Variants in UBR3 observed in about 807,000 individuals in gnomAD.
The protein encoded by UBR3 is ubiquitin protein ligase E3 component n-recognin 3.
Under a neutral mutation model 243.2 loss-of-function variants are expected in UBR3, and 85 were observed. The ratio of observed to expected loss-of-function variants is 0.35; its 90% confidence interval spans 0.29 to 0.42. The LOEUF is 0.42. UBR3 is among the 10% of genes least tolerant of loss of function. UBR3 has a pLI of 1.00. For missense variants in UBR3, 1,686 were observed against 2,300.8 expected (o/e 0.73, Z 5.47); for synonymous variants, 748 against 799.8 (o/e 0.94, Z 1.09).
chr2:170,015,012 A>G (rs2090193305), intron 29 of UBR3: 2 of 259,308 alleles, frequency 7.7e-6, no homozygotes, highest in South Asian at 2.7e-4. Context: ...AGTATGTGCC[A>G]AGAGTTGGGA....
At chr2:170,055,997 T>C (rs987998313) in intron 33 of UBR3, among the ~76,000 whole-genome samples, 2 of 127,746 alleles carry the variant, frequency 1.6e-5, no homozygotes, top group Non-Finnish European at 3.3e-5. Flanking sequence ...TCCTAGTCTT[T>C]TCTTTCTTTT....
At chr2:170,016,924 G>A (rs879577047) in intron 30 of UBR3, 9 of 721,050 alleles carry the variant, frequency 1.2e-5, no homozygotes, top group Middle Eastern at 4.2e-4. Context: ...CTAAATGTAA[G>A]TTAATATTTC....
chr2:169,828,197 G>A, intron 1 of UBR3, 145 bp downstream of exon 1: 1 of 1,089,368 alleles, frequency 9.2e-7, no homozygotes, highest in Non-Finnish European at 1.2e-6. Flanking sequence ...GGAGGTGACT[G>A]AGCTGTCAGC....
intron 1 of UBR3, among the ~76,000 whole-genome samples, chr2:169,859,632 T>G (rs2083016855): frequency 6.6e-6 from 1 of 152,272 alleles, no homozygotes; most frequent in South Asian, 2.1e-4. Flanking sequence ...TTAAATTCAC[T>G]GATCTGTTTT....
chr2:169,906,749 C>A (rs2085025696), intron 10 of UBR3, among the ~76,000 whole-genome samples: 1 of 151,990 alleles, frequency 6.6e-6, no homozygotes. Context: ...TATTTTGAAG[C>A]CCTGGGTTCT....
chr2:169,870,603 T>C (rs945149866), intron 1 of UBR3, among the ~76,000 whole-genome samples: 4 of 152,182 alleles, frequency 2.6e-5, no homozygotes, highest in African/African-American at 7.2e-5. Flanking sequence ...ATTAATTCTA[T>C]TGGGATGTAA....
intron 18 of UBR3, among the ~76,000 whole-genome samples, chr2:169,931,419 G>A (rs2086124453): frequency 1.3e-5 from 2 of 150,068 alleles, no homozygotes; most frequent in African/African-American, 4.9e-5. Context: ...CTTTGTGAAG[G>A]ACTGTCTTCA....
At chr2:170,025,026 A>G (rs2090491217) in intron 30 of UBR3, among the ~76,000 whole-genome samples, 1 of 152,172 alleles carries the variant, frequency 6.6e-6, no homozygotes, top group South Asian at 2.1e-4. Context: ...AACTGAACCA[A>G]TGTGTCATTG....
At chr2:169,963,688 TA>T (rs1310891479) in intron 24 of UBR3, among the ~76,000 whole-genome samples, 2 of 152,180 alleles carry the variant, frequency 1.3e-5, no homozygotes, top group Non-Finnish European at 2.9e-5. Context: ...AGAACTAATA[TA>T]TTTTTACTAC....
intron 8 of UBR3, among the ~76,000 whole-genome samples, chr2:169,901,769 C>T (rs772931836): frequency 2.6e-5 from 4 of 152,082 alleles, no homozygotes; most frequent in Non-Finnish European, 2.9e-5. Flanking sequence ...AATTTTATAC[C>T]ATATGCTTTG....
intron 19 of UBR3, among the ~76,000 whole-genome samples, chr2:169,941,516 G>C (rs1024077672): frequency 4.6e-5 from 7 of 152,158 alleles, no homozygotes; most frequent in African/African-American, 1.4e-4. Flanking sequence ...TGAAACTGTG[G>C]AAAGTGAAAC....
chr2:169,989,265 T>C (rs1369472779), intron 25 of UBR3, among the ~76,000 whole-genome samples: 2 of 152,326 alleles, frequency 1.3e-5, no homozygotes, highest in African/African-American at 4.8e-5. Context: ...AGTCAGTGTT[T>C]AAAATTTTCC....
At chr2:170,004,648 T>G (rs937883048) in intron 27 of UBR3, among the ~76,000 whole-genome samples, 1 of 152,104 alleles carries the variant, frequency 6.6e-6, no homozygotes, top group Admixed American at 6.6e-5. Context: ...CGGTGGCTCA[T>G]GCCTATAATT....
intron 31 of UBR3, among the ~76,000 whole-genome samples, chr2:170,038,055 TA>T (rs1158213502): frequency 6.6e-6 from 1 of 152,198 alleles, no homozygotes; most frequent in Non-Finnish European, 1.5e-5. Flanking sequence ...AGTATTCTGT[TA>T]AGCACTTTAA....
chr2:169,906,447 T>TG (rs34217854), intron 10 of UBR3, among the ~76,000 whole-genome samples: 149,103 of 152,194 alleles, frequency 0.98, 73,090 homozygotes, highest in East Asian at 1. Flanking sequence ...TAATGCTTCT[T>TG]TCTTTCAAGG....
intron 24 of UBR3, among the ~76,000 whole-genome samples, chr2:169,971,842 C>G (rs2088164569): frequency 6.6e-6 from 1 of 152,030 alleles, no homozygotes; most frequent in Non-Finnish European, 1.5e-5. Flanking sequence ...CCCTAACATT[C>G]ACAATTAAAA....
intron 1 of UBR3, among the ~76,000 whole-genome samples, chr2:169,836,947 T>C (rs1440177541): frequency 6.6e-6 from 1 of 152,242 alleles, no homozygotes; most frequent in African/African-American, 2.4e-5. Flanking sequence ...CCTTGAAATA[T>C]ATAATTTTGT....
intron 19 of UBR3, among the ~76,000 whole-genome samples, chr2:169,934,223 G>T (rs985265796): frequency 6.6e-6 from 1 of 152,170 alleles, no homozygotes; most frequent in African/African-American, 2.4e-5. Flanking sequence ...TTGGGAAGAA[G>T]CATTTGCATG....
intron 5 of UBR3, among the ~76,000 whole-genome samples, chr2:169,885,565 G>A (rs2084059212): frequency 6.6e-6 from 1 of 151,630 alleles, no homozygotes; most frequent in South Asian, 2.1e-4. Flanking sequence ...GTGACAGAAG[G>A]AGACCCTGTC....
Sources: gnomAD v4.1 joint callset for allele counts (sites outside exome capture counted in the v4.1 genomes callset) on GRCh38, gnomAD v4.1.1 for gene constraint, MANE v1.5 for transcripts, NCBI Gene and HGNC (gene_info 2026-07-23, HGNC 2026-07-21) for gene names.